Variants in KANSL3 observed in about 807,000 individuals in gnomAD.
KANSL3 encodes the protein NSL complex protein NSL3.
KANSL3 carries 16 observed loss-of-function variants against 89.2 expected under a neutral mutation model. The ratio of observed to expected loss-of-function variants is 0.18; its 90% CI spans 0.12 to 0.27. The LOEUF (loss-of-function observed/expected upper bound fraction) is 0.27, where lower values mean the gene tolerates loss of function less well. KANSL3 is among the 10% of genes least tolerant of loss of function. KANSL3 has a pLI of 1.00. For missense variants in KANSL3, 879 were observed against 1,110.6 expected (o/e 0.79, Z 2.96); for synonymous variants, 385 against 419.7 (o/e 0.92, Z 1.01).
At chr2:96,636,863 T>C in intron 2 of KANSL3, 58 bp downstream of exon 2, 1 of 1,349,366 alleles carries the variant, frequency 7.4e-7, no homozygotes, top group Non-Finnish European at 9.9e-7. Flanking sequence ...CCTCTCTAAA[T>C]TCCCATCTGA....
intron 20 of KANSL3, chr2:96,598,026 T>C (rs1430588592): frequency 1.9e-5 from 16 of 843,994 alleles, no homozygotes; most frequent in Non-Finnish European, 2.3e-5. Context: ...TGACCTCTAC[T>C]CTCTTCTCAA....
At chr2:96,601,580 T>C in intron 20 of KANSL3, 63 bp downstream of exon 20, 1 of 1,570,168 alleles carries the variant, frequency 6.4e-7, no homozygotes, top group South Asian at 1.2e-5. Flanking sequence ...AATCAGCCAG[T>C]CAGCTGGTCT....
intron 3 of KANSL3, chr2:96,628,548 A>G (rs1488780338): frequency 6.0e-6 from 1 of 165,424 alleles, no homozygotes. Context: ...TTGGGAGGTT[A>G]AGGTTCCCAC....
intron 14 of KANSL3, chr2:96,607,188 G>C (rs919362329): frequency 9.7e-6 from 4 of 412,602 alleles, no homozygotes; most frequent in African/African-American, 8.3e-5. Context: ...ACTCTGCCAC[G>C]GAGTCAGTCT....
At chr2:96,633,107 G>A (rs188283549) in intron 2 of KANSL3, among the ~76,000 whole-genome samples, 2 of 151,868 alleles carry the variant, frequency 1.3e-5, no homozygotes, top group African/African-American at 2.4e-5. Flanking sequence ...GTGAAACCCC[G>A]TCTCTACTGA....
the KANSL3 span, among the ~76,000 whole-genome samples, chr2:96,584,574 C>T: frequency 6.6e-6 from 1 of 152,186 alleles, no homozygotes; most frequent in African/African-American, 2.4e-5. Flanking sequence ...CACCTACACT[C>T]CCTACTTCTA....
intron 9 of KANSL3, 46 bp downstream of exon 9, chr2:96,612,236 G>A: frequency 1.5e-6 from 2 of 1,311,946 alleles, no homozygotes; most frequent in South Asian, 2.4e-5. Context: ...ATGATTAGTG[G>A]TATTCCATCC....
chr2:96,585,021 T>A, the KANSL3 span, among the ~76,000 whole-genome samples: 1 of 152,228 alleles, frequency 6.6e-6, no homozygotes, highest in Admixed American at 6.5e-5. Flanking sequence ...AACGCTGCGG[T>A]GGATGTGGAT....
chr2:96,604,800 G>A lies in KANSL3; in HGVS notation c.1997C>T (p.Thr666Ile). The part of the protein sequence containing the change: ...GQASAGAKEL[T>I]GLLTTAKSSS... ...TCACTTGGCTGTGGTGAGAAGTCCTGTGAGCTCCTTGGCCCCTGCTGAAGC... is the reference window on the plus strand; with the variant it reads ...TCACTTGGCTGTGGTGAGAAGTCCTATGAGCTCCTTGGCCCCTGCTGAAGC... Residue 666 changes from threonine (T) to isoleucine (I), a missense_variant, in exon 16 of 21, where the codon ACA becomes ATA. Thr to Ile is a moderately conservative substitution (Grantham distance 89). Around this residue, in one of 6 missense-constraint regions of KANSL3, gnomAD observed 317 missense variants for 311.2 expected, o/e 1.02. Coordinates refer to ENST00000431828, the MANE Select transcript of KANSL3 (RefSeq NM_001115016.3). 1 of 1,598,430 alleles carries A rather than the reference G, an allele frequency of 6.3e-7. No homozygotes were observed. Among genetic ancestry groups the A allele is most frequent in the Non-Finnish European group, 8.5e-7 (1 of 1,172,518 alleles).
rs199948436 is a variant in KANSL3 at position 96,612,450 on chromosome 2, G to A, written c.1014+12C>T. 4.7e-3 allele frequency: 7,539 copies of A among 1,609,972 alleles called. 23 individuals are homozygous for A. The highest frequency in any genetic ancestry group is 5.6e-3 in the Admixed American group (333 of 59,988). On this transcript the variant is annotated intron_variant, in intron 8 of 20. Coordinates refer to ENST00000431828, the MANE Select transcript of KANSL3 (RefSeq NM_001115016.3). ...GGTATGCCACAATGTACTGAAATAC[G>A]GGCATTCTCACCTCCAGCACTTTGC...
At chr2:96,600,272 C>T in intron 20 of KANSL3, 1 of 247,666 alleles carries the variant, frequency 4.0e-6, no homozygotes, top group Non-Finnish European at 6.4e-6. Context: ...TGAATGGATC[C>T]ATATCAGGCT....
the KANSL3 span, among the ~76,000 whole-genome samples, chr2:96,582,072 C>G: frequency 6.6e-6 from 1 of 152,098 alleles, no homozygotes; most frequent in Non-Finnish European, 1.5e-5. Flanking sequence ...TTTCTCTCCC[C>G]CAGATAACTT....
intron 17 of KANSL3, chr2:96,603,445 G>C (rs186911394): frequency 6.6e-6 from 1 of 152,512 alleles, no homozygotes; most frequent in Non-Finnish European, 1.5e-5. Context: ...ACCACACCCG[G>C]CTAATTTTTT....
At position 96,608,616 on chromosome 2, in the gene KANSL3, C is replaced by T; in HGVS notation, c.1633G>A (p.Val545Met). ...SSPTSSPKTKVTTVTSAQKSS... is the reference protein window; with the variant it reads ...SSPTSSPKTKMTTVTSAQKSS... ...TTCTGGGCAGAGGTCACTGTGGTCACTTTGGTCTTGGGACTGGAGGTGGGG... is the reference window on the plus strand; with the variant it reads ...TTCTGGGCAGAGGTCACTGTGGTCATTTTGGTCTTGGGACTGGAGGTGGGG... The change falls in exon 14 of 21, where the codon GTG (valine) becomes ATG (methionine). Residue 545 changes from valine to methionine, a missense_variant. Physicochemically the swap from Val to Met is conservative, Grantham distance 21 (BLOSUM62 1). Around this residue, in one of 6 missense-constraint regions of KANSL3, gnomAD observed 317 missense variants for 311.2 expected, o/e 1.02. Transcript: ENST00000431828. 1 of 1,613,982 alleles carries T rather than the reference C, an allele frequency of 6.2e-7. No homozygotes were observed. Among genetic ancestry groups the T allele is most frequent in the Non-Finnish European group, 8.5e-7 (1 of 1,179,894 alleles).
intron 20 of KANSL3, 28 bp downstream of exon 20, chr2:96,601,615 T>C (rs1414585886): frequency 2.5e-6 from 4 of 1,609,118 alleles, no homozygotes; most frequent in Non-Finnish European, 3.4e-6. Context: ...ATGAAGCCCA[T>C]GTCCTCAGTC....
At chr2:96,600,834 A>G in intron 20 of KANSL3, 1 of 985,444 alleles carries the variant, frequency 1.0e-6, no homozygotes, top group Non-Finnish European at 1.2e-6. Flanking sequence ...CTAAAAAGAC[A>G]GCAATAAATG....
chr2:96,624,486 C>T (rs1250579058), intron 3 of KANSL3, among the ~76,000 whole-genome samples: 1 of 152,164 alleles, frequency 6.6e-6, no homozygotes, highest in Non-Finnish European at 1.5e-5. Flanking sequence ...CCCTCCCTTC[C>T]TCAAATATAT....
At chr2:96,598,395 C>T (rs563729809) in intron 20 of KANSL3, among the ~76,000 whole-genome samples, 44 of 152,262 alleles carry the variant, frequency 2.9e-4, no homozygotes, top group Middle Eastern at 3.4e-3. Flanking sequence ...TTAATATAGA[C>T]GCCAAAATCC....
intron 3 of KANSL3, among the ~76,000 whole-genome samples, chr2:96,626,600 A>G (rs2072374373): frequency 6.6e-6 from 1 of 152,236 alleles, no homozygotes; most frequent in Admixed American, 6.5e-5. Context: ...CCTAAAATCC[A>G]TTTGAGCAAT....
Sources: gnomAD v4.1 joint callset for allele counts (sites outside exome capture counted in the v4.1 genomes callset) on GRCh38, gnomAD v4.1.1 for gene constraint, gnomAD v4.1.1 regional missense constraint, MANE v1.5 for transcripts, NCBI Gene and HGNC (gene_info 2026-07-23, HGNC 2026-07-21) for gene names.